Variants in KCNT2 observed in about 807,000 individuals in gnomAD.
KCNT2 encodes the protein potassium sodium-activated channel subfamily T member 2, also known as potassium channel subfamily T member 2.
KCNT2 carries 67 observed loss-of-function variants against 153.8 expected under a neutral mutation model. The observed-to-expected ratio is 0.44, with a 90% CI of 0.36 to 0.53. The LOEUF (loss-of-function observed/expected upper bound fraction) is 0.53, where lower values mean the gene tolerates loss of function less well. Among genes scored for constraint, KCNT2 ranks in the 20% least tolerant of loss-of-function variants. KCNT2 has a pLI of 0.00. For synonymous variants in KCNT2, 500 were observed against 458.8 expected (o/e 1.09, Z -1.15); for missense variants, 975 against 1,354.8 (o/e 0.72, Z 4.40).
chr1:196,423,785 TA>T (rs1286443231), intron 11 of KCNT2, among the ~76,000 whole-genome samples: 1 of 151,110 alleles, frequency 6.6e-6, no homozygotes, highest in Admixed American at 6.6e-5. Context: ...GTCCTTGAAA[TA>T]AGACCAAACC....
chr1:196,354,523 A>T (rs1667016351), intron 14 of KCNT2, among the ~76,000 whole-genome samples: 1 of 151,832 alleles, frequency 6.6e-6, no homozygotes, highest in Non-Finnish European at 1.5e-5. Context: ...AAGTGTTTAC[A>T]TATATATAAC....
intron 7 of KCNT2, among the ~76,000 whole-genome samples, chr1:196,466,259 C>T (rs1274918306): frequency 6.6e-6 from 1 of 151,752 alleles, no homozygotes; most frequent in African/African-American, 2.4e-5. Flanking sequence ...TATTTTTATT[C>T]ATTAGCAATT....
chr1:196,371,772 A>G lies in KCNT2; in HGVS notation c.1403+1368T>C, dbSNP rs150394991. The stretch of plus-strand genomic sequence containing the variant: ...TTTCACCAGGCAATACTGTTTGTCA[A>G]TAAATAATATTTACTAGGAGATGCA... On this transcript the variant is annotated intron_variant, in intron 14 of 27. Transcript: ENST00000294725. Among the ~76,000 whole-genome samples the G allele has an allele frequency of 6.6e-4, 101 of 152,188 alleles. 1 individual carries two copies. The highest frequency in any genetic ancestry group is 2.1e-3 in the African/African-American group (86 of 41,562).
In KCNT2 at chr1:196,226,172, T is replaced by C. The variant is rs1375636721; in HGVS notation, c.*2052A>G. 1 of 151,970 alleles carries C rather than the reference T, an allele frequency of 6.6e-6. No homozygotes were observed. The highest frequency in any genetic ancestry group is 2.4e-5 in the African/African-American group (1 of 41,406). The allele number at this position is 151,970 out of a possible 1,614,324, so 9.4% of individuals were successfully genotyped here. A position where few individuals can be genotyped will look rare whatever the true frequency, so the allele number is the denominator to read the frequency against. On this transcript the variant is annotated 3_prime_UTR_variant, in exon 28 of 28. Coordinates refer to ENST00000294725, the MANE Select transcript of KCNT2 (RefSeq NM_198503.5). Reference sequence around the variant, plus strand: ...AAAATCCTAGTCTCAACAACTGTCATAATGCAAAAATACCAAACTTCAGAT... The same window carrying C: ...AAAATCCTAGTCTCAACAACTGTCACAATGCAAAAATACCAAACTTCAGAT...
intron 26 of KCNT2, among the ~76,000 whole-genome samples, chr1:196,254,993 C>T (rs988562687): frequency 2.2e-4 from 33 of 151,636 alleles, no homozygotes; most frequent in African/African-American, 7.0e-4. Flanking sequence ...TAACAATACA[C>T]GTCCAAATCA....
At chr1:196,371,889 T>G (rs916362765) in intron 14 of KCNT2, among the ~76,000 whole-genome samples, 5 of 152,118 alleles carry the variant, frequency 3.3e-5, no homozygotes, top group Non-Finnish European at 5.9e-5. Context: ...ACAATGAAGT[T>G]GCCTAGATAG....
At chr1:196,386,652 C>T (rs79272769) in intron 13 of KCNT2, among the ~76,000 whole-genome samples, 4 of 152,096 alleles carry the variant, frequency 2.6e-5, no homozygotes, top group East Asian at 1.9e-4. Flanking sequence ...CCTAGAAATC[C>T]TACTAATCAT....
At chr1:196,600,378 G>C (rs1176674176) in intron 1 of KCNT2, among the ~76,000 whole-genome samples, 1 of 152,242 alleles carries the variant, frequency 6.6e-6, no homozygotes, top group Non-Finnish European at 1.5e-5. Flanking sequence ...GATGGAGGTG[G>C]TTGGCTGCAA....
intron 25 of KCNT2, among the ~76,000 whole-genome samples, chr1:196,280,445 C>T (rs959121506): frequency 1.3e-5 from 2 of 152,202 alleles, no homozygotes; most frequent in Non-Finnish European, 2.9e-5. Context: ...ACTAAATTAT[C>T]TTTGCTTTGC....
At chr1:196,258,787 T>G in intron 25 of KCNT2, 1 of 338,638 alleles carries the variant, frequency 3.0e-6, no homozygotes. Flanking sequence ...CATAGTTATT[T>G]ATGATATTAC....
At chr1:196,585,454 A>T (rs934214136) in intron 1 of KCNT2, among the ~76,000 whole-genome samples, 1 of 152,148 alleles carries the variant, frequency 6.6e-6, no homozygotes, top group African/African-American at 2.4e-5. Context: ...TGGACCACAC[A>T]TATTTATCTA....
rs189171387 is a variant in KCNT2 at position 196,488,407 on chromosome 1, A to G, written c.275+1431T>C. Among the ~76,000 whole-genome samples, 82 of 152,124 alleles carry G rather than the reference A, an allele frequency of 5.4e-4. 1 individual carries two copies. Among genetic ancestry groups the G allele is most frequent in the African/African-American group, 1.9e-3 (79 of 41,556 alleles). On this transcript the variant is annotated intron_variant, in intron 3 of 27. Coordinates refer to ENST00000294725, the MANE Select transcript of KCNT2 (RefSeq NM_198503.5). The stretch of plus-strand genomic sequence containing the variant: ...TACTGTAATCTGATTTTTCAAATGT[A>G]TATCCTCTACAATTATGGCCAAACA...
chr1:196,339,458 T>C (rs1029694820), intron 16 of KCNT2, among the ~76,000 whole-genome samples: 1 of 151,056 alleles, frequency 6.6e-6, no homozygotes, highest in Non-Finnish European at 1.5e-5. Flanking sequence ...GTTGTTATCA[T>C]GGAAGGTTCA....
chr1:196,373,300 A>C (rs755300575), intron 13 of KCNT2, 52 bp from the exon 14 acceptor site: 5 of 783,404 alleles, frequency 6.4e-6, no homozygotes, highest in South Asian at 1.5e-5. Flanking sequence ...GGAGAGTAAT[A>C]AAATGTAAAA....
intron 5 of KCNT2, among the ~76,000 whole-genome samples, chr1:196,477,909 TC>T (rs1678678970): frequency 1.3e-5 from 2 of 152,194 alleles, no homozygotes; most frequent in South Asian, 4.1e-4. Context: ...GACTGTCAAG[TC>T]TTAATAAATC....
intron 1 of KCNT2, among the ~76,000 whole-genome samples, chr1:196,574,758 T>C (rs1324009751): frequency 1.3e-5 from 2 of 151,988 alleles, no homozygotes; most frequent in African/African-American, 4.8e-5. Context: ...ATATATATGA[T>C]TTATGTACAA....
chr1:196,245,667 T>A, intron 26 of KCNT2, among the ~76,000 whole-genome samples: 1 of 151,494 alleles, frequency 6.6e-6, no homozygotes, highest in Admixed American at 6.6e-5. Context: ...AACAAAGAGG[T>A]TGAACTAATT....
At chr1:196,564,128 A>G (rs965673534) in intron 1 of KCNT2, among the ~76,000 whole-genome samples, 1 of 151,810 alleles carries the variant, frequency 6.6e-6, no homozygotes, top group Non-Finnish European at 1.5e-5. Flanking sequence ...CCACCAAAAA[A>G]CTTCTGAAAG....
chr1:196,522,042 A>G (rs1199206672), intron 1 of KCNT2, among the ~76,000 whole-genome samples: 1 of 152,240 alleles, frequency 6.6e-6, no homozygotes, highest in Non-Finnish European at 1.5e-5. Context: ...AAATTCCAGT[A>G]GTACTTGTAG....
Sources: allele counts gnomAD v4.1 joint callset (sites outside exome capture counted in the v4.1 genomes callset), GRCh38; gene constraint gnomAD v4.1.1; transcripts MANE v1.5; gene names NCBI Gene and HGNC (gene_info 2026-07-23, HGNC 2026-07-21).